PML: variants seen among roughly 807,000 people sequenced by gnomAD.
PML encodes PML nuclear body scaffold.
A neutral mutation model predicts 65.2 loss-of-function variants in PML; 28 were observed. The observed-to-expected ratio is 0.43, with a 90% CI of 0.32 to 0.59. The LOEUF is 0.59. PML is among the 20% of genes least tolerant of loss of function. The pLI is 0.08. For missense variants in PML, 1,021 were observed against 1,203.4 expected, an observed-to-expected ratio of 0.85 and a Z score of 2.24; for synonymous variants, 500 against 508.8, an observed-to-expected ratio of 0.98 and a Z score of 0.23.
At position 74,043,179 on chromosome 15, in the gene PML, A is replaced by G; in HGVS notation, c.1861+40A>G. The G allele has an allele frequency of 6.2e-7, 1 of 1,614,026 alleles. No homozygotes were observed. The highest frequency in any genetic ancestry group is 2.2e-5 in the East Asian group (1 of 44,824). On this transcript the variant is annotated intron_variant, in intron 8 of 8. Transcript: ENST00000268058. The surrounding 1 kb of genome is among the most constrained non-coding windows in gnomAD (Gnocchi z 4.3). ...GGCTACCCCCACCCCTTTCTAATTT[A>G]GTCTCTGAGTCCCAAAAAGAAGTGC...
chr15:74,045,848 G>A lies in PML; in HGVS notation c.*840G>A, dbSNP rs186171055. 6.5e-5 allele frequency: 15 copies of A among 232,060 alleles called. No individual in the cohort carries two copies. The highest frequency in any genetic ancestry group is 1.7e-4 in the Admixed American group (3 of 17,728). The allele number at this position is 232,060 out of a possible 1,614,324, so 14.4% of individuals were successfully genotyped here. A position where few individuals can be genotyped will look rare whatever the true frequency, so the allele number is the denominator to read the frequency against. On this transcript the variant is annotated 3_prime_UTR_variant, in exon 9 of 9. Coordinates refer to ENST00000268058, the MANE Select transcript of PML (RefSeq NM_033238.3). ...CATCCCCTGGGAGCTTCTTAGAAAT[G>A]CAGACCTGTGGGCTCTACCACAGGC... is the stretch of plus-strand genomic sequence containing the variant.
At position 74,003,209 on chromosome 15, in the gene PML, G is replaced by A. The variant is rs139833084; in HGVS notation, c.602+4733G>A. 8.8e-3 allele frequency among the ~76,000 whole-genome samples: 1,339 copies of A among 152,106 alleles called. 19 individuals carry two copies. The highest frequency in any genetic ancestry group is 0.031 in the African/African-American group (1,265 of 41,468). ...AGCACTTTGGGAGGCTGAGGCAGGC[G>A]GATCATGAGGTCAGGAGTTCAATAC... On this transcript the variant is annotated intron_variant, in intron 2 of 8. Coordinates refer to ENST00000268058, the MANE Select transcript of PML (RefSeq NM_033238.3).
At chr15:74,009,909 G>A (rs902590483) in intron 2 of PML, among the ~76,000 whole-genome samples, 3 of 152,182 alleles carry the variant, frequency 2.0e-5, no homozygotes, top group Non-Finnish European at 4.4e-5. Context: ...CTGGTGCTCC[G>A]GTCTCACTTC....
chr15:73,999,020 T>C (rs1403240190), intron 2 of PML, among the ~76,000 whole-genome samples: 1 of 152,240 alleles, frequency 6.6e-6, no homozygotes, highest in Non-Finnish European at 1.5e-5. Flanking sequence ...AGATTTTAAC[T>C]CAGTTTTTTA....
At position 74,023,155 on chromosome 15, in the gene PML, G is replaced by A. The variant is rs1033626602; in HGVS notation, c.930G>A (p.Glu310=). The A allele has an allele frequency of 1.2e-6, 2 of 1,605,198 alleles. No homozygotes were observed. The highest frequency in any genetic ancestry group is 3.5e-4 in the Middle Eastern group (2 of 5,770). ...ACGCGCGGTACCAGCGCGACTACGAGGAGATGGCCAGTCGGCTGGGCCGCC... is the reference window on the plus strand; with the variant it reads ...ACGCGCGGTACCAGCGCGACTACGAAGAGATGGCCAGTCGGCTGGGCCGCC... ...AVDARYQRDY[E]EMASRLGRLD... is the part of the protein sequence containing the mutation. Residue 310 remains glutamate, a synonymous_variant, in exon 3 of 9, where the codon GAG becomes GAA. Coordinates refer to ENST00000268058, the MANE Select transcript of PML (RefSeq NM_033238.3).
rs559808332 is a variant in PML, at chr15:74,033,522, C to A, written c.1657+108C>A. On this transcript the variant is annotated intron_variant, in intron 6 of 8. Coordinates refer to ENST00000268058, the MANE Select transcript of PML (RefSeq NM_033238.3). ...CAGAAAGCCCAAAGCCAACAGGAGT[C>A]CCTTATTCCCACTGAATAAGATAGG... 14 of 1,174,244 alleles carry A rather than the reference C, an allele frequency of 1.2e-5. No homozygotes were observed. The East Asian group carries it at 3.3e-4, about 28-fold the overall frequency. The allele number at this position is 1,174,244 out of a possible 1,614,324, so 72.7% of individuals were successfully genotyped here.
chr15:74,016,792 C>CTTTTTTTTTATTTTTTTTTTT (rs2070602096), intron 2 of PML, among the ~76,000 whole-genome samples: 1 of 77,646 alleles, frequency 1.3e-5, no homozygotes, highest in Non-Finnish European at 2.4e-5. Flanking sequence ...GCAGTGGCAT[C>CTTTTTTTTTATTTTTTTTTTT]TTTTTTTTTT....
rs2069607900 is a variant in PML, at chr15:73,998,460, A to G, written c.586A>G (p.Thr196Ala). ...NIFCSNPNHR[T>A]PTLTSIYCRG... ...CTTCTGCTCCAACCCCAACCACCGC[A>G]CCCCTACGCTGACCAGGTGAGTAGG... The change falls in exon 2 of 9, where the codon ACC becomes GCC. Residue 196 changes from threonine to alanine, a missense_variant. Thr to Ala is a moderately conservative substitution (Grantham distance 58, BLOSUM62 0). Transcript: ENST00000268058. 1 of 1,613,738 alleles carries G rather than the reference A, an allele frequency of 6.2e-7. No individual in the cohort carries two copies. The highest frequency in any genetic ancestry group is 8.5e-7 in the Non-Finnish European group (1 of 1,179,924).
intron 2 of PML, among the ~76,000 whole-genome samples, chr15:74,004,746 ATT>A (rs1369060438): frequency 6.8e-6 from 1 of 146,840 alleles, no homozygotes; most frequent in East Asian, 2.0e-4. Context: ...GAGATAGAGT[ATT>A]GCTCTTGGAA....
chr15:74,028,763 T>C (rs1595908959), intron 4 of PML, among the ~76,000 whole-genome samples: 1 of 152,230 alleles, frequency 6.6e-6, no homozygotes, highest in Non-Finnish European at 1.5e-5. Flanking sequence ...TATTTGTCCT[T>C]TTGTGACTGG....
In PML at chr15:74,035,828, C is replaced by T; in HGVS notation, c.1710+1298C>T. 3 of 1,613,954 alleles carry T rather than the reference C, an allele frequency of 1.9e-6. No individual in the cohort carries two copies. The highest frequency in any genetic ancestry group is 2.5e-6 in the Non-Finnish European group (3 of 1,179,980). ...TTCCCCCTGGGGACTCTGTCAGAGGCTCCATGGAGGCCTCTCAAGTCCAAG... is the reference window on the plus strand; with the variant it reads ...TTCCCCCTGGGGACTCTGTCAGAGGTTCCATGGAGGCCTCTCAAGTCCAAG... On this transcript the variant is annotated intron_variant, in intron 7 of 8. Transcript: ENST00000268058. This position sits in a 1 kb window ranked among gnomAD's most constrained non-coding sequence, Gnocchi z 4.1.
In PML at chr15:74,045,620, C is replaced by T. The variant is rs938356342; in HGVS notation, c.*612C>T. 4.3e-6 allele frequency: 1 copy of T among 233,782 alleles called. No homozygotes were observed. Among genetic ancestry groups the T allele is most frequent in the African/African-American group, 2.2e-5 (1 of 45,340 alleles). The allele number at this position is 233,782 out of a possible 1,614,324, so 14.5% of individuals were successfully genotyped here. A position where few individuals can be genotyped will look rare whatever the true frequency, so the allele number is the denominator to read the frequency against. On this transcript the variant is annotated 3_prime_UTR_variant, in exon 9 of 9. Coordinates refer to ENST00000268058, the MANE Select transcript of PML (RefSeq NM_033238.3). Reference sequence around the variant, plus strand: ...TGATGTTCCATGCATGTCCCTGCTTCCAAAGCCTGACCTTCCAAAGCTTGC... The same window carrying T: ...TGATGTTCCATGCATGTCCCTGCTTTCAAAGCCTGACCTTCCAAAGCTTGC...
Position 74,042,923 on chromosome 15 carries a change from A to G in PML, c.1711-66A>G, listed in dbSNP as rs925683439. ...ATGCTCCCAGCTATACCAGCTTGCTAGTGTTCTGCACAGGTGCTTGCCTTG... is the reference window on the plus strand; with the variant it reads ...ATGCTCCCAGCTATACCAGCTTGCTGGTGTTCTGCACAGGTGCTTGCCTTG... On this transcript the variant is annotated intron_variant, in intron 7 of 8. Coordinates refer to ENST00000268058, the MANE Select transcript of PML (RefSeq NM_033238.3). The surrounding 1 kb of genome is among the most constrained non-coding windows in gnomAD (Gnocchi z 5.3). 78 of 1,611,128 alleles carry G rather than the reference A, an allele frequency of 4.8e-5. 1 individual carries two copies. The highest frequency in any genetic ancestry group is 5.9e-5 in the Non-Finnish European group (70 of 1,179,904).
In PML at chr15:74,042,384, C is replaced by A; in HGVS notation, c.1711-605C>A. The stretch of plus-strand genomic sequence containing the variant: ...TCGCCTTTGTGTAGGACACTGGCAC[C>A]TCGGCTGACTTCGGGGACAAGAAAA... On this transcript the variant is annotated intron_variant, in intron 7 of 8. Coordinates refer to ENST00000268058, the MANE Select transcript of PML (RefSeq NM_033238.3). The surrounding 1 kb of genome is among the most constrained non-coding windows in gnomAD (Gnocchi z 5.3). The A allele has an allele frequency of 1.0e-6, 1 of 985,460 alleles. No individual in the cohort carries two copies. The highest frequency in any genetic ancestry group is 1.2e-6 in the Non-Finnish European group (1 of 829,934). 61.0% of individuals were successfully genotyped at this position (985,460 alleles called of 1,614,324 possible). A position where few individuals can be genotyped will look rare whatever the true frequency, so the allele number is the denominator to read the frequency against.
At chr15:74,006,406 A>AAAG (rs2070056425) in intron 2 of PML, among the ~76,000 whole-genome samples, 1 of 151,640 alleles carries the variant, frequency 6.6e-6, no homozygotes, top group African/African-American at 2.4e-5. Context: ...AAAAAAAAAA[A>AAAG]AAAAGAAAGA....
intron 2 of PML, among the ~76,000 whole-genome samples, chr15:74,010,504 G>A (rs1301988098): frequency 5.1e-5 from 7 of 138,316 alleles, no homozygotes; most frequent in Admixed American, 1.5e-4. Flanking sequence ...GCAACAGAGC[G>A]AGGCCTTGTC....
chr15:73,996,219 CTT>C (rs755881701), intron 1 of PML, among the ~76,000 whole-genome samples: 2 of 152,358 alleles, frequency 1.3e-5, no homozygotes, highest in South Asian at 2.1e-4. Context: ...ACTCTGTACT[CTT>C]TAAACCATAG....
intron 7 of PML, among the ~76,000 whole-genome samples, chr15:74,039,396 A>T (rs535861613): frequency 6.6e-6 from 1 of 152,218 alleles, no homozygotes; most frequent in African/African-American, 2.4e-5. Context: ...ATAGCAATGC[A>T]TGTGTCTTGC....
intron 2 of PML, among the ~76,000 whole-genome samples, chr15:74,011,281 G>A (rs1952873368): frequency 6.6e-6 from 1 of 152,188 alleles, no homozygotes; most frequent in Non-Finnish European, 1.5e-5. Context: ...CTCCCTGCAA[G>A]GGTGGCTCAG....
Sources: gnomAD v4.1 joint callset for allele counts (sites outside exome capture counted in the v4.1 genomes callset) on GRCh38, gnomAD v4.1.1 for gene constraint, Gnocchi (gnomAD v3.1) non-coding constraint, MANE v1.5 for transcripts, NCBI Gene and HGNC (gene_info 2026-07-23, HGNC 2026-07-21) for gene names.